Variants in SOWAHB observed in about 807,000 individuals in gnomAD.
SOWAHB encodes ankyrin repeat domain-containing protein SOWAHB.
SOWAHB carries 17 observed loss-of-function variants against 18.3 expected under a neutral mutation model. The observed-to-expected ratio is 0.93, with a 90% confidence interval of 0.64 to 1.40. The LOEUF (loss-of-function observed/expected upper bound fraction) is 1.40, where lower values mean the gene tolerates loss of function less well. SOWAHB is among the 40% of genes most tolerant of loss of function. The pLI is 0.00. For synonymous variants in SOWAHB, 496 were observed against 448.1 expected (o/e 1.11, Z -1.35); for missense variants, 1,126 against 1,033.7 (o/e 1.09, Z -1.22).
chr4:76,895,979 A>C lies in SOWAHB; in HGVS notation c.1871T>G (p.Leu624Trp), dbSNP rs1427478643. The C allele has an allele frequency of 6.2e-7, 1 of 1,614,052 alleles. No homozygotes were observed. The highest frequency in any genetic ancestry group is 1.1e-5 in the South Asian group (1 of 91,082). ...GTACCCAGTCAAAAAGTCTTTGTGC[A>C]AGGCCAGTTGAGGGTCCTCCCAGAA... The part of the protein sequence containing the change: ...TLFWEDPQLA[L>W]HKDFLTGYTA... The change falls in exon 1 of 1, where the codon TTG (leucine) becomes TGG (tryptophan). Residue 624 changes from leucine to tryptophan, a missense_variant. Transcript: ENST00000334306.
In SOWAHB at chr4:76,897,814, G is replaced by C; in HGVS notation, c.36C>G (p.Asp12Glu). The C allele has an allele frequency of 6.2e-7, 1 of 1,600,028 alleles. No homozygotes were observed. Among genetic ancestry groups the C allele is most frequent in the Non-Finnish European group, 8.5e-7 (1 of 1,179,840 alleles). Residue 12 changes from aspartate (D) to glutamate (E), a missense_variant, in exon 1 of 1, where the codon GAC becomes GAG. By Grantham distance (45) the Asp-to-Glu change is conservative. Transcript: ENST00000334306. This position sits in a 1 kb window ranked among gnomAD's most constrained non-coding sequence, Gnocchi z 6.4. The stretch of plus-strand genomic sequence containing the variant: ...CGCGGCCCCCAGCCTGGCACAGAAA[G>C]TCCAGTAGTGCCTCCTGGCTCAGCT... ...ARELSQEALL[D>E]FLCQAGGRVT...
At position 76,895,735 on chromosome 4, in the gene SOWAHB, C is replaced by A. The variant is rs1021058095; in HGVS notation, c.2115G>T (p.Lys705Asn). The A allele has an allele frequency of 6.2e-7, 1 of 1,614,258 alleles. No homozygotes were observed. The highest frequency in any genetic ancestry group is 8.5e-7 in the Non-Finnish European group (1 of 1,180,048). Residue 705 changes from lysine (K) to asparagine (N), a missense_variant, in exon 1 of 1, where the codon AAG becomes AAT. By Grantham distance (94) the Lys-to-Asn change is moderately conservative. Transcript: ENST00000334306. ...TACTGGTTAGATACTGCCATGGCTT[C>A]TTCCCACTGCTGTCCCTGACATTTA... Reference protein sequence around the residue: ...SRVNVRDSSGKKPWQYLTSNT... With the variant: ...SRVNVRDSSGNKPWQYLTSNT...
chr4:76,897,900 C>A lies in SOWAHB; in HGVS notation c.-51G>T, dbSNP rs1485443816. The A allele has an allele frequency of 7.2e-6, 11 of 1,523,574 alleles. No homozygotes were observed. The South Asian group carries it at 9.5e-5, about 13-fold the overall frequency. The allele number at this position is 1,523,574 out of a possible 1,614,324, so 94.4% of individuals were successfully genotyped here. On this transcript the variant is annotated 5_prime_UTR_variant, in exon 1 of 1. Coordinates refer to ENST00000334306, the MANE Select transcript of SOWAHB (RefSeq NM_001029870.3). This position sits in a 1 kb window ranked among gnomAD's most constrained non-coding sequence, Gnocchi z 6.4. ...GTGTCTGAGTCTCGCCCTCCCGGGG[C>A]TCTCCCCAGCCAGAGGAAACCCTGG... is the stretch of plus-strand genomic sequence containing the variant.
Position 76,895,163 on chromosome 4 carries a change from G to T in SOWAHB, c.*305C>A. On this transcript the variant is annotated 3_prime_UTR_variant, in exon 1 of 1. Coordinates refer to ENST00000334306, the MANE Select transcript of SOWAHB (RefSeq NM_001029870.3). ...GCCAAGGCCTGGGACTCCTGCTTCA[G>T]GAAACAATATGGCTTACTGTGCCCA... 1 of 244,780 alleles carries T rather than the reference G, an allele frequency of 4.1e-6. No individual in the cohort carries two copies. The highest frequency in any genetic ancestry group is 7.8e-6 in the Non-Finnish European group (1 of 128,582). The allele number at this position is 244,780 out of a possible 1,614,324, so 15.2% of individuals were successfully genotyped here. A position where few individuals can be genotyped will look rare whatever the true frequency, so the allele number is the denominator to read the frequency against.
chr4:76,897,978 C>T lies in SOWAHB; in HGVS notation c.-129G>A, dbSNP rs1719977434. On this transcript the variant is annotated 5_prime_UTR_variant, in exon 1 of 1. Transcript: ENST00000334306. The surrounding 1 kb of genome is among the most constrained non-coding windows in gnomAD (Gnocchi z 6.4). ...CGGCACTAGCCGCCCCCATCAGCCG[C>T]GGAGGCCAGCGCTGCCCGCAGCCCG... is the stretch of plus-strand genomic sequence containing the variant. 2.0e-6 allele frequency: 2 copies of T among 1,002,844 alleles called. No homozygotes were observed. Among genetic ancestry groups the T allele is most frequent in the South Asian group, 1.7e-5 (1 of 58,826 alleles). 62.1% of individuals were successfully genotyped at this position (1,002,844 alleles called of 1,614,324 possible).
Position 76,897,643 on chromosome 4 carries a change from C to A in SOWAHB, c.207G>T (p.Lys69Asn), listed in dbSNP as rs759770687. Residue 69 changes from lysine to asparagine, a missense_variant, in exon 1 of 1, where the codon AAG (lysine) becomes AAT (asparagine). Transcript: ENST00000334306. This position sits in a 1 kb window ranked among gnomAD's most constrained non-coding sequence, Gnocchi z 6.4. ...AAVRQDPDGT[K>N]YVVLKRRYRD... ...TGTATCTCCTCTTGAGCACCACGTA[C>A]TTGGTGCCGTCGGGGTCCTGGCGCA... 6.2e-7 allele frequency: 1 copy of A among 1,612,356 alleles called. No homozygotes were observed. The highest frequency in any genetic ancestry group is 8.5e-7 in the Non-Finnish European group (1 of 1,179,894).
chr4:76,896,875 G>T lies in SOWAHB; in HGVS notation c.975C>A (p.Ile325=). ...TGTCTGGCAGCACCGACCAGGCGCG[G>T]ATAGGGCCCTGATCACGGGCCTCGG... ...QVPEARDQGP[I]RAWSVLPDNF... Residue 325 remains isoleucine, a synonymous_variant, in exon 1 of 1, where the codon ATC becomes ATA. Transcript: ENST00000334306. 6.2e-7 allele frequency: 1 copy of T among 1,613,440 alleles called. No homozygotes were observed. Among genetic ancestry groups the T allele is most frequent in the East Asian group, 2.2e-5 (1 of 44,868 alleles).
rs779676792 is a variant in SOWAHB, at chr4:76,897,764, TG to T, written c.85del (p.His29ThrfsTer218). 1 of 1,606,804 alleles carries T rather than the reference TG, an allele frequency of 6.2e-7. No homozygotes were observed. The highest frequency in any genetic ancestry group is 1.1e-5 in the South Asian group (1 of 91,084). ...GRVTNAALLSHFKSFLRDPDA... is the reference protein window; with the variant it reads ...GRVTNAALLSXFKSFLRDPDA... ...GGGGTCTCGGAGAAAGCTCTTGAAG[TG>T]GCTCAGCAAGGCAGCGTTGGTCACG... On this transcript the variant is annotated frameshift_variant, in exon 1 of 1. Coordinates refer to ENST00000334306, the MANE Select transcript of SOWAHB (RefSeq NM_001029870.3). LOFTEE classifies it low-confidence loss of function (END_TRUNC). This position sits in a 1 kb window ranked among gnomAD's most constrained non-coding sequence, Gnocchi z 6.4.
rs1431239620 is a variant in SOWAHB, at chr4:76,897,422, G to A, written c.428C>T (p.Ala143Val). The stretch of plus-strand genomic sequence containing the variant: ...GCTGCCCGGGAGTCCATTGCAAGCT[G>A]CGTCGGCGGCTCTGGCTGCTGCACC... Reference protein sequence around the residue: ...PAGAAARAADAACNGLPGSDS... With the variant: ...PAGAAARAADVACNGLPGSDS... The change falls in exon 1 of 1, where the codon GCA becomes GTA. Residue 143 changes from alanine to valine, a missense_variant. By Grantham distance (64) the Ala-to-Val change is moderately conservative. Transcript: ENST00000334306. This position sits in a 1 kb window ranked among gnomAD's most constrained non-coding sequence, Gnocchi z 6.4. 7.9e-6 allele frequency: 12 copies of A among 1,517,716 alleles called. No individual in the cohort carries two copies. Among genetic ancestry groups the A allele is most frequent in the Non-Finnish European group, 1.1e-5 (12 of 1,139,946 alleles). The allele number at this position is 1,517,716 out of a possible 1,614,324, so 94.0% of individuals were successfully genotyped here. A position where few individuals can be genotyped will look rare whatever the true frequency, so the allele number is the denominator to read the frequency against.
Position 76,897,586 on chromosome 4 carries a change from T to C in SOWAHB, c.264A>G (p.Arg88=), listed in dbSNP as rs1719964930. 6.2e-7 allele frequency: 1 copy of C among 1,601,252 alleles called. No homozygotes were observed. The highest frequency in any genetic ancestry group is 1.7e-5 in the Admixed American group (1 of 59,540). The part of the protein sequence containing the change: ...RDLLGEEGLQ[R]PREPPAAAPS... ...GGGCGGCCGCGGGCGGCTCGCGGGG[T>C]CGCTGCAGCCCCTCCTCCCCCAAAA... Residue 88 remains arginine (R), a synonymous_variant, in exon 1 of 1, where the codon CGA becomes CGG. Coordinates refer to ENST00000334306, the MANE Select transcript of SOWAHB (RefSeq NM_001029870.3). This position sits in a 1 kb window ranked among gnomAD's most constrained non-coding sequence, Gnocchi z 6.4.
At position 76,896,721 on chromosome 4, in the gene SOWAHB, G is replaced by T. The variant is rs2703130; in HGVS notation, c.1129C>A (p.Pro377Thr). The change falls in exon 1 of 1, where the codon CCT becomes ACT. Residue 377 changes from proline to threonine, a missense_variant. Pro to Thr is a conservative substitution (Grantham distance 38). Transcript: ENST00000334306. ...DESWESWAGN[P>T]SLTVFRSIRC... ...ATGCTGCGAAAGACAGTCAATGAAGGGTTCCCCGCCCAGGATTCCCAGGAC... is the reference window on the plus strand; with the variant it reads ...ATGCTGCGAAAGACAGTCAATGAAGTGTTCCCCGCCCAGGATTCCCAGGAC... The T allele has an allele frequency of 0.13, 217,507 of 1,613,840 alleles. 15,646 individuals carry two copies. Among genetic ancestry groups the T allele is most frequent in the Non-Finnish European group, 0.14 (167,566 of 1,180,006 alleles).
rs1388107092 is a variant in SOWAHB, at chr4:76,897,225, G to T, written c.625C>A (p.Pro209Thr). The T allele has an allele frequency of 1.9e-6, 3 of 1,582,066 alleles. No individual in the cohort carries two copies. The East Asian group carries it at 6.8e-5, about 36-fold the overall frequency. ...TGCGGGAGTGCGCCGAGCTCTCCCGGCAGTACAGCCAGGTTGTTCTGGAGG... is the reference window on the plus strand; with the variant it reads ...TGCGGGAGTGCGCCGAGCTCTCCCGTCAGTACAGCCAGGTTGTTCTGGAGG... ...ECLQNNLAVLPGELGALPHSA... is the reference protein window; with the variant it reads ...ECLQNNLAVLTGELGALPHSA... The change falls in exon 1 of 1, where the codon CCG (proline) becomes ACG (threonine). Residue 209 changes from proline (P) to threonine (T), a missense_variant. Physicochemically the swap from Pro to Thr is conservative, Grantham distance 38. Transcript: ENST00000334306. This position sits in a 1 kb window ranked among gnomAD's most constrained non-coding sequence, Gnocchi z 6.4.
rs1224559054 is a variant in SOWAHB at position 76,897,073 on chromosome 4, A to G, written c.777T>C (p.Pro259=). 6.5e-7 allele frequency: 1 copy of G among 1,537,898 alleles called. No homozygotes were observed. Among genetic ancestry groups the G allele is most frequent in the South Asian group, 1.2e-5 (1 of 84,428 alleles). Reference sequence around the variant, plus strand: ...TTGTCGCAGCCTCGACGGTGGCGGGAGGCGAGTGAGCCACTGCAGGCACAG... The same window carrying G: ...TTGTCGCAGCCTCGACGGTGGCGGGGGGCGAGTGAGCCACTGCAGGCACAG... ...PAPVPAVAHS[P]PATVEAATSR... The change falls in exon 1 of 1, where the codon CCT becomes CCC. Residue 259 remains proline, a synonymous_variant. Transcript: ENST00000334306. The surrounding 1 kb of genome is among the most constrained non-coding windows in gnomAD (Gnocchi z 6.4).
Position 76,896,883 on chromosome 4 carries a change from C to T in SOWAHB, c.967G>A (p.Gly323Ser). The T allele has an allele frequency of 2.5e-6, 4 of 1,613,192 alleles. No individual in the cohort carries two copies. The highest frequency in any genetic ancestry group is 2.5e-6 in the Non-Finnish European group (3 of 1,179,952). Residue 323 changes from glycine to serine, a missense_variant, in exon 1 of 1, where the codon GGC becomes AGC. Coordinates refer to ENST00000334306, the MANE Select transcript of SOWAHB (RefSeq NM_001029870.3). Reference sequence around the variant, plus strand: ...AGCACCGACCAGGCGCGGATAGGGCCCTGATCACGGGCCTCGGGCACCTGC... The same window carrying T: ...AGCACCGACCAGGCGCGGATAGGGCTCTGATCACGGGCCTCGGGCACCTGC... ...HPQVPEARDQ[G>S]PIRAWSVLPD...
In SOWAHB at chr4:76,897,578, T is replaced by G. The variant is rs1450458556; in HGVS notation, c.272A>C (p.Glu91Ala). 6.2e-7 allele frequency: 1 copy of G among 1,601,558 alleles called. No individual in the cohort carries two copies. Among genetic ancestry groups the G allele is most frequent in the Admixed American group, 1.7e-5 (1 of 59,594 alleles). ...TGCACTGGGGGCGGCCGCGGGCGGC[T>G]CGCGGGGTCGCTGCAGCCCCTCCTC... ...LGEEGLQRPR[E>A]PPAAAPSAGG... is the part of the protein sequence containing the mutation. The change falls in exon 1 of 1, where the codon GAG (glutamate) becomes GCG (alanine). Residue 91 changes from glutamate (E) to alanine (A), a missense_variant. By Grantham distance (107) the Glu-to-Ala change is moderately radical. Transcript: ENST00000334306. This position sits in a 1 kb window ranked among gnomAD's most constrained non-coding sequence, Gnocchi z 6.4.
rs773053411 is a variant in SOWAHB, at chr4:76,897,733, C to T, written c.117G>A (p.Ala39=). Residue 39 remains alanine (A), a synonymous_variant, in exon 1 of 1, where the codon GCG becomes GCA. Transcript: ENST00000334306. The surrounding 1 kb of genome is among the most constrained non-coding windows in gnomAD (Gnocchi z 6.4). The part of the protein sequence containing the change: ...HFKSFLRDPD[A]SPSQHQHRRE... ...GGCGGTGCTGGTGCTGGCTGGGGGA[C>T]GCGTCGGGGTCTCGGAGAAAGCTCT... The T allele has an allele frequency of 1.2e-6, 2 of 1,609,726 alleles. No individual in the cohort carries two copies. Among genetic ancestry groups the T allele is most frequent in the Non-Finnish European group, 1.7e-6 (2 of 1,179,862 alleles).
In SOWAHB at chr4:76,897,286, C is replaced by A. The variant is rs780001912; in HGVS notation, c.564G>T (p.Ala188=). Residue 188 remains alanine, a synonymous_variant, in exon 1 of 1, where the codon GCG becomes GCT. Coordinates refer to ENST00000334306, the MANE Select transcript of SOWAHB (RefSeq NM_001029870.3). The surrounding 1 kb of genome is among the most constrained non-coding windows in gnomAD (Gnocchi z 6.4). ...AAGAQARASC[A]AAKTQGRCCW... is the part of the protein sequence containing the mutation. ...AGCAGCGGCCCTGCGTCTTCGCCGC[C>A]GCGCAGCTCGCTCTCGCCTGGGCCC... The A allele has an allele frequency of 1.9e-6, 3 of 1,544,852 alleles. No individual in the cohort carries two copies. Among genetic ancestry groups the A allele is most frequent in the Admixed American group, 3.8e-5 (2 of 52,084 alleles).
Position 76,897,148 on chromosome 4 carries a change from G to T in SOWAHB, c.702C>A (p.Asp234Glu). 6.4e-7 allele frequency: 1 copy of T among 1,552,676 alleles called. No homozygotes were observed. Among genetic ancestry groups the T allele is most frequent in the Non-Finnish European group, 8.7e-7 (1 of 1,155,994 alleles). ...CTTCCCGCTCCCTGGAAGCCCCGCG[G>T]TCATCCTGGGCAGGCAGAGCCCGTG... is the stretch of plus-strand genomic sequence containing the variant. ...KPARALPAQDDRGASREREEG... is the reference protein window; with the variant it reads ...KPARALPAQDERGASREREEG... The change falls in exon 1 of 1, where the codon GAC (aspartate) becomes GAA (glutamate). Residue 234 changes from aspartate (D) to glutamate (E), a missense_variant. Physicochemically the swap from Asp to Glu is conservative, Grantham distance 45. Coordinates refer to ENST00000334306, the MANE Select transcript of SOWAHB (RefSeq NM_001029870.3). This position sits in a 1 kb window ranked among gnomAD's most constrained non-coding sequence, Gnocchi z 6.4.
Position 76,898,037 on chromosome 4 carries a change from G to C in SOWAHB, c.-188C>G. 1 of 616,572 alleles carries C rather than the reference G, an allele frequency of 1.6e-6. No homozygotes were observed. The highest frequency in any genetic ancestry group is 3.0e-5 in the East Asian group (1 of 33,542). The allele number at this position is 616,572 out of a possible 1,614,324, so 38.2% of individuals were successfully genotyped here. On this transcript the variant is annotated 5_prime_UTR_variant, in exon 1 of 1. Transcript: ENST00000334306. ...CCAGGAGGGCCGTGGGTCCCCTCCG[G>C]GTGGCCCCAAGGCTGAGTCCCCGCG...
Sources: allele counts gnomAD v4.1 joint callset, GRCh38; gene constraint gnomAD v4.1.1; non-coding constraint Gnocchi (gnomAD v3.1); transcripts MANE v1.5; gene names NCBI Gene and HGNC (gene_info 2026-07-23, HGNC 2026-07-21).